The following RANGAP1 variants were observed in gnomAD, a reference collection of about 807,000 sequenced individuals.
RANGAP1 encodes the protein Ran GTPase activating protein 1.
A neutral mutation model predicts 63.5 loss-of-function variants in RANGAP1; 38 were observed. That is an observed-to-expected ratio of 0.60 (90% CI 0.46 to 0.78). RANGAP1 has a LOEUF of 0.78. Ranked by LOEUF, RANGAP1 falls within the 30% of genes least tolerant of loss-of-function variation. The pLI, the probability that RANGAP1 is intolerant of heterozygous loss-of-function variation, is 0.00. For missense variants in RANGAP1, 630 were observed against 740.3 expected, an observed-to-expected ratio of 0.85 and a Z score of 1.73; for synonymous variants, 329 against 310.5, an observed-to-expected ratio of 1.06 and a Z score of -0.63.
chr22:41,279,387 G>A (rs2035354998), intron 2 of RANGAP1, among the ~76,000 whole-genome samples: 2 of 148,862 alleles, frequency 1.3e-5, no homozygotes, highest in Non-Finnish European at 3.0e-5. Flanking sequence ...GGAGAATGGC[G>A]TGAACCAGGG....
At position 41,257,212 on chromosome 22, in the gene RANGAP1, T is replaced by C. The variant is rs1381418233; in HGVS notation, c.775-388A>G. On this transcript the variant is annotated intron_variant, in intron 7 of 15. Transcript: ENST00000356244. This position sits in a 1 kb window ranked among gnomAD's most constrained non-coding sequence, Gnocchi z 4.0. Reference sequence around the variant, plus strand: ...AGCCTGCCCTAAGTCTGATTTGAACTTCCTTCTGGCGTGTTCCCCAACACC... The same window carrying C: ...AGCCTGCCCTAAGTCTGATTTGAACCTCCTTCTGGCGTGTTCCCCAACACC... Among the ~76,000 whole-genome samples, 2 of 152,142 alleles carry C rather than the reference T, an allele frequency of 1.3e-5. No individual in the cohort carries two copies. The highest frequency in any genetic ancestry group is 3.9e-4 in the East Asian group (2 of 5,190).
Position 41,256,035 on chromosome 22 carries a change from C to G in RANGAP1, c.1059G>C (p.Val353=), listed in dbSNP as rs1445935119. Residue 353 remains valine, a synonymous_variant, in exon 10 of 16, where the codon GTG becomes GTC. Coordinates refer to ENST00000356244, the MANE Select transcript of RANGAP1 (RefSeq NM_002883.4). ...GAGTTCCCTACCTGAGGGACGCCAG[C>G]ACCTTGGCCATGTTGAAGCCCTCCA... ...EVLEGFNMAK[V]LASLSDDEDE... is the part of the protein sequence containing the mutation. The G allele has an allele frequency of 6.2e-7, 1 of 1,613,776 alleles. No homozygotes were observed. Among genetic ancestry groups the G allele is most frequent in the Admixed American group, 1.7e-5 (1 of 60,026 alleles).
intron 10 of RANGAP1, among the ~76,000 whole-genome samples, chr22:41,255,317 T>C (rs1179699849): frequency 6.6e-6 from 1 of 152,114 alleles, no homozygotes; most frequent in African/African-American, 2.4e-5. Context: ...GAGACACGAC[T>C]GAGTATCTGA....
In RANGAP1 at chr22:41,246,474, A is replaced by G. The variant is rs953245929; in HGVS notation, c.*129T>C. On this transcript the variant is annotated 3_prime_UTR_variant, in exon 16 of 16. Transcript: ENST00000356244. ...CATACTCAGGGGACTGACAGGACAC[A>G]TGGGACACAGACCCGCCCTGCCTGT... 23 of 964,926 alleles carry G rather than the reference A, an allele frequency of 2.4e-5. No homozygotes were observed. In the African/African-American group the frequency reaches 2.9e-4, roughly 12 times the overall value. 59.8% of individuals were successfully genotyped at this position (964,926 alleles called of 1,614,324 possible).
chr22:41,264,868 A>C, intron 4 of RANGAP1, 25 bp from the exon 5 acceptor site: 1 of 1,580,622 alleles, frequency 6.3e-7, no homozygotes, highest in East Asian at 2.3e-5. Flanking sequence ...AGCTCGTGTC[A>C]GTTTCATAGA....
the RANGAP1 span, among the ~76,000 whole-genome samples, chr22:41,296,647 CAAAA>C: frequency 3.9e-5 from 3 of 76,848 alleles, no homozygotes; most frequent in African/African-American, 9.8e-5. Flanking sequence ...ACTCCATCTC[CAAAA>C]AAAAAAAAAA....
chr22:41,249,609 G>T (rs1020264789), intron 14 of RANGAP1, 120 bp downstream of exon 14: 7 of 1,521,722 alleles, frequency 4.6e-6, no homozygotes, highest in East Asian at 4.6e-5. Flanking sequence ...AGGCCTCGGG[G>T]CCCCGTGGGC....
chr22:41,282,244 G>A (rs2035532077), intron 1 of RANGAP1: 1 of 152,292 alleles, frequency 6.6e-6, no homozygotes, highest in South Asian at 2.1e-4. Context: ...CAAAGCTGCA[G>A]TAAGCTATGA....
intron 12 of RANGAP1, 143 bp downstream of exon 12, chr22:41,252,729 G>A (rs772521847): frequency 5.6e-5 from 54 of 964,916 alleles, no homozygotes; most frequent in Admixed American, 8.4e-5. Context: ...ACATTTGCGC[G>A]TGTTGTAACA....
At chr22:41,272,055 C>T (rs1212677380) in intron 3 of RANGAP1, among the ~76,000 whole-genome samples, 3 of 152,210 alleles carry the variant, frequency 2.0e-5, no homozygotes, top group Non-Finnish European at 2.9e-5. Context: ...GGCTCTATCT[C>T]CTATTTCATA....
intron 10 of RANGAP1, among the ~76,000 whole-genome samples, chr22:41,254,973 C>A (rs75468874): frequency 1.5e-5 from 2 of 135,868 alleles, no homozygotes; most frequent in African/African-American, 2.6e-5. Context: ...CTCCATCCCC[C>A]ACAAAAAAAC....
In RANGAP1 at chr22:41,256,675, C is replaced by A. The variant is rs200495380; in HGVS notation, c.888+36G>T. On this transcript the variant is annotated intron_variant, in intron 8 of 15. Coordinates refer to ENST00000356244, the MANE Select transcript of RANGAP1 (RefSeq NM_002883.4). Reference sequence around the variant, plus strand: ...CCCCAGCCGCCCCACCACCCACAGACCCCAGAGGGAGGACGTCAGGCGTCC... The same window carrying A: ...CCCCAGCCGCCCCACCACCCACAGAACCCAGAGGGAGGACGTCAGGCGTCC... 54 of 1,586,368 alleles carry A rather than the reference C, an allele frequency of 3.4e-5. No individual in the cohort carries two copies. The Admixed American group carries it at 7.2e-4, about 21-fold the overall frequency.
At chr22:41,249,165 A>G (rs780549731) in intron 15 of RANGAP1, among the ~76,000 whole-genome samples, 165 bp downstream of exon 15, 5 of 152,102 alleles carry the variant, frequency 3.3e-5, no homozygotes, top group Admixed American at 1.3e-4. Context: ...TGAGACTCCA[A>G]TGCAGATGCT....
chr22:41,266,973 T>C (rs925894776), intron 4 of RANGAP1, among the ~76,000 whole-genome samples: 1 of 148,868 alleles, frequency 6.7e-6, no homozygotes, highest in African/African-American at 2.5e-5. Context: ...CTCCACCTCC[T>C]GGGTTCACGC....
At chr22:41,277,384 G>A in intron 2 of RANGAP1, 2 of 1,033,796 alleles carry the variant, frequency 1.9e-6, no homozygotes, top group Non-Finnish European at 2.6e-6. Context: ...GGCCGAAAGT[G>A]AGGATATATT....
Position 41,257,537 on chromosome 22 carries a change from C to T in RANGAP1, c.774+411G>A, listed in dbSNP as rs1315828840. ...GGCTGAGGTGGGAGGATCACTTGAT[C>T]CCAGAAGTTCAAGACCAGCTTGGGC... On this transcript the variant is annotated intron_variant, in intron 7 of 15. Coordinates refer to ENST00000356244, the MANE Select transcript of RANGAP1 (RefSeq NM_002883.4). This position sits in a 1 kb window ranked among gnomAD's most constrained non-coding sequence, Gnocchi z 4.0. 6.6e-6 allele frequency among the ~76,000 whole-genome samples: 1 copy of T among 152,176 alleles called. No individual in the cohort carries two copies. The highest frequency in any genetic ancestry group is 1.5e-5 in the Non-Finnish European group (1 of 68,042).
At chr22:41,279,375 C>A (rs2145839804) in intron 2 of RANGAP1, among the ~76,000 whole-genome samples, 1 of 151,418 alleles carries the variant, frequency 6.6e-6, no homozygotes, top group South Asian at 2.1e-4. Flanking sequence ...GAGGCTGAGG[C>A]AGGAGAATGG....
intron 1 of RANGAP1, among the ~76,000 whole-genome samples, chr22:41,284,623 G>C (rs1370988805): frequency 6.6e-6 from 1 of 151,926 alleles, no homozygotes; most frequent in Non-Finnish European, 1.5e-5. Context: ...TGCAATCCCA[G>C]CATTTCCGGA....
chr22:41,246,609 C>CT lies in RANGAP1; in HGVS notation c.1757dup (p.Val587GlyfsTer15), dbSNP rs1569165537. ...GATGGGAGAGGCTTTGAGTCTAGAC[C>CT]TTGTACAGCGTCTGCAGCAGACTGT... On this transcript the variant is annotated frameshift_variant, in exon 16 of 16. Transcript: ENST00000356244. LOFTEE classifies it high-confidence loss of function. 1 of 1,573,942 alleles carries CT rather than the reference C, an allele frequency of 6.4e-7. No individual in the cohort carries two copies. Among genetic ancestry groups the CT allele is most frequent in the South Asian group, 1.2e-5 (1 of 85,814 alleles).
Sources: allele counts gnomAD v4.1 joint callset (sites outside exome capture counted in the v4.1 genomes callset), GRCh38; gene constraint gnomAD v4.1.1; non-coding constraint Gnocchi (gnomAD v3.1); transcripts MANE v1.5; gene names NCBI Gene and HGNC (gene_info 2026-07-23, HGNC 2026-07-21).